The following TMEM132C variants were observed in gnomAD, a reference collection of about 807,000 sequenced individuals.
The protein encoded by TMEM132C is transmembrane protein 132C, also known as protein phosphatase 1, regulatory subunit 152.
A neutral mutation model predicts 61.4 loss-of-function variants in TMEM132C; 29 were observed. That is an observed-to-expected ratio of 0.47 (90% CI 0.35 to 0.64). TMEM132C has a LOEUF of 0.64. TMEM132C is among the 30% of genes least tolerant of loss of function. TMEM132C has a pLI of 0.00. For synonymous variants in TMEM132C, 656 were observed against 633.1 expected (o/e 1.04, Z -0.54); for missense variants, 1,408 against 1,476.9 (o/e 0.95, Z 0.76).
chr12:128,561,759 T>A (rs1189024688), intron 3 of TMEM132C, among the ~76,000 whole-genome samples: 1 of 152,018 alleles, frequency 6.6e-6, no homozygotes, highest in Non-Finnish European at 1.5e-5. Flanking sequence ...AGACTTTGTT[T>A]AAAGTGGTAT....
Position 128,700,126 on chromosome 12 carries a change from G to A in TMEM132C, c.2121+2711G>A, listed in dbSNP as rs563386695. 1.1e-4 allele frequency among the ~76,000 whole-genome samples: 17 copies of A among 152,244 alleles called. 1 individual carries two copies. Among genetic ancestry groups the A allele is most frequent in the South Asian group, 1.0e-3 (5 of 4,816 alleles). ...CCCTTGGCATGGGGTATGGCCGGCC[G>A]CTCCCCATCTCCTGTCGCCCATCTG... is the stretch of plus-strand genomic sequence containing the variant. On this transcript the variant is annotated intron_variant, in intron 8 of 8. Coordinates refer to ENST00000435159, the MANE Select transcript of TMEM132C (RefSeq NM_001136103.3).
chr12:128,640,331 T>C (rs1230567119), intron 4 of TMEM132C, among the ~76,000 whole-genome samples: 1 of 152,158 alleles, frequency 6.6e-6, no homozygotes, highest in African/African-American at 2.4e-5. Flanking sequence ...TGCTGCAGCA[T>C]GGATGAGACT....
chr12:128,477,983 C>T (rs1871204359), intron 2 of TMEM132C, among the ~76,000 whole-genome samples: 1 of 152,186 alleles, frequency 6.6e-6, no homozygotes, highest in African/African-American at 2.4e-5. Flanking sequence ...CAGAGAAGAA[C>T]ATGATGGCAT....
chr12:128,646,654 C>T (rs1227789002), intron 4 of TMEM132C, among the ~76,000 whole-genome samples: 1 of 149,466 alleles, frequency 6.7e-6, no homozygotes, highest in African/African-American at 2.5e-5. Context: ...CTCAGTCCAT[C>T]AGCGTTGGAT....
chr12:128,594,101 A>G (rs1046494431), intron 3 of TMEM132C, among the ~76,000 whole-genome samples: 8 of 134,682 alleles, frequency 5.9e-5, no homozygotes, highest in African/African-American at 2.3e-4. Flanking sequence ...GAGAGCCCCC[A>G]CCTCCACCGC....
At chr12:128,460,612 A>G (rs1331623333) in intron 2 of TMEM132C, among the ~76,000 whole-genome samples, 1 of 152,156 alleles carries the variant, frequency 6.6e-6, no homozygotes, top group Non-Finnish European at 1.5e-5. Context: ...GCTACCCAAA[A>G]GAAAATAAAA....
intron 2 of TMEM132C, among the ~76,000 whole-genome samples, chr12:128,460,406 T>TTG (rs1870493609): frequency 6.6e-6 from 1 of 152,026 alleles, no homozygotes; most frequent in Admixed American, 6.5e-5. Flanking sequence ...TTCAACTTAG[T>TTG]AAGTCCACTT....
intron 1 of TMEM132C, among the ~76,000 whole-genome samples, chr12:128,282,250 A>C (rs1031127574): frequency 6.6e-6 from 1 of 152,222 alleles, no homozygotes; most frequent in Non-Finnish European, 1.5e-5. Flanking sequence ...CCACTGCTGC[A>C]TTATTACCAC....
At chr12:128,289,916 T>G (rs370703620) in intron 1 of TMEM132C, among the ~76,000 whole-genome samples, 15 of 152,314 alleles carry the variant, frequency 9.8e-5, no homozygotes, top group African/African-American at 3.4e-4. Flanking sequence ...ATCTCATATT[T>G]CACATGAGGC....
intron 2 of TMEM132C, among the ~76,000 whole-genome samples, chr12:128,424,408 G>A (rs1009138420): frequency 7.3e-5 from 11 of 150,916 alleles, no homozygotes; most frequent in Non-Finnish European, 1.3e-4. Flanking sequence ...TAAACCACTG[G>A]TACATGCTAC....
At chr12:128,303,858 C>G (rs1871674763) in intron 1 of TMEM132C, among the ~76,000 whole-genome samples, 1 of 152,158 alleles carries the variant, frequency 6.6e-6, no homozygotes, top group Non-Finnish European at 1.5e-5. Flanking sequence ...TTTCTGCACA[C>G]TTCTGTCTTT....
intron 2 of TMEM132C, among the ~76,000 whole-genome samples, chr12:128,457,531 G>A (rs186092375): frequency 9.2e-4 from 138 of 150,354 alleles, no homozygotes; most frequent in East Asian, 5.9e-3. Flanking sequence ...AGCCGAGATC[G>A]CGCCACTGCA....
rs35003496 is a variant in TMEM132C, at chr12:128,278,750, A to ATGTGTGTGTGTG, written c.85+11289_85+11300dup. On this transcript the variant is annotated intron_variant, in intron 1 of 8. Coordinates refer to ENST00000435159, the MANE Select transcript of TMEM132C (RefSeq NM_001136103.3). The surrounding 1 kb of genome is among the most constrained non-coding windows in gnomAD (Gnocchi z 4.2). ...TGTGCAGACTTGATTCTATACGTGT[A>ATGTGTGTGTGTG]TGTGTGTGTGTGTGTGTGTGTGTGT... Among the ~76,000 whole-genome samples, 30 of 137,062 alleles carry ATGTGTGTGTGTG rather than the reference A, an allele frequency of 2.2e-4. No homozygotes were observed. Among genetic ancestry groups the ATGTGTGTGTGTG allele is most frequent in the South Asian group, 1.2e-3 (5 of 4,334 alleles). The allele number at this position is 137,062 out of a possible 152,430, so 89.9% of individuals were successfully genotyped here. A position where few individuals can be genotyped will look rare whatever the true frequency, so the allele number is the denominator to read the frequency against.
chr12:128,700,044 T>C (rs1954793164), intron 8 of TMEM132C, among the ~76,000 whole-genome samples: 1 of 152,204 alleles, frequency 6.6e-6, no homozygotes, highest in Non-Finnish European at 1.5e-5. Context: ...GCTGAAAGCA[T>C]GAAGCTATTT....
chr12:128,568,470 A>C (rs934511373), intron 3 of TMEM132C, among the ~76,000 whole-genome samples: 12 of 152,140 alleles, frequency 7.9e-5, no homozygotes, highest in African/African-American at 2.9e-4. Flanking sequence ...GCAAATACTT[A>C]CCCTGTACTT....
At chr12:128,475,236 C>A (rs989557460) in intron 2 of TMEM132C, among the ~76,000 whole-genome samples, 2 of 152,004 alleles carry the variant, frequency 1.3e-5, no homozygotes, top group African/African-American at 4.8e-5. Context: ...GCATTTAGGA[C>A]CTGCGATTTC....
chr12:128,663,553 T>A (rs1213176364), intron 4 of TMEM132C, among the ~76,000 whole-genome samples: 1 of 152,238 alleles, frequency 6.6e-6, no homozygotes, highest in Non-Finnish European at 1.5e-5. Flanking sequence ...ATCCCCCATC[T>A]CTGTGGCCAG....
chr12:128,641,279 G>A (rs1954156064), intron 4 of TMEM132C, among the ~76,000 whole-genome samples: 1 of 152,136 alleles, frequency 6.6e-6, no homozygotes, highest in Non-Finnish European at 1.5e-5. Context: ...GACAACAACT[G>A]CAGACATGTC....
intron 2 of TMEM132C, among the ~76,000 whole-genome samples, chr12:128,525,287 A>G (rs1873044762): frequency 6.6e-6 from 1 of 152,046 alleles, no homozygotes; most frequent in Admixed American, 6.5e-5. Context: ...TGTTTCAGGA[A>G]CAAAGCCCTT....
Sources: gnomAD v4.1 joint callset for allele counts (sites outside exome capture counted in the v4.1 genomes callset) on GRCh38, gnomAD v4.1.1 for gene constraint, Gnocchi (gnomAD v3.1) non-coding constraint, MANE v1.5 for transcripts, NCBI Gene and HGNC (gene_info 2026-07-23, HGNC 2026-07-21) for gene names.